DCHS2: variants seen among roughly 807,000 people sequenced by gnomAD.
The protein encoded by DCHS2 is protocadherin-23.
A neutral mutation model predicts 182.4 loss-of-function variants in DCHS2; 142 were observed. The observed-to-expected ratio is 0.78, with a 90% CI of 0.68 to 0.89. DCHS2 has a LOEUF of 0.89. DCHS2 is among the 40% of genes least tolerant of loss of function. The pLI, the probability that DCHS2 is intolerant of heterozygous loss-of-function variation, is 0.00. For missense variants in DCHS2, 4,319 were observed against 4,198.6 expected, an observed-to-expected ratio of 1.03 and a Z score of -0.79; for synonymous variants, 1,740 against 1,663.3, an observed-to-expected ratio of 1.05 and a Z score of -1.12.
chr4:154,304,946 C>A, intron 11 of DCHS2, 68 bp from the exon 12 acceptor site: 1 of 1,525,370 alleles, frequency 6.6e-7, no homozygotes, highest in South Asian at 1.3e-5. Context: ...GTTGTTCTAA[C>A]TAGACAATGT....
In DCHS2 at chr4:154,232,516, T is replaced by C. The variant is rs898939418; in HGVS notation, c.*2020A>G. The stretch of plus-strand genomic sequence containing the variant: ...ATAACTAACTTAGGGAATAGGTAGA[T>C]GAATAACTCTTTTTAAGCATAAGTA... On this transcript the variant is annotated 3_prime_UTR_variant, in exon 20 of 20. Coordinates refer to ENST00000357232, the MANE Select transcript of DCHS2 (RefSeq NM_001358235.2). 1.8e-4 allele frequency: 28 copies of C among 152,162 alleles called. No homozygotes were observed. The highest frequency in any genetic ancestry group is 6.8e-4 in the African/African-American group (28 of 41,458). The allele number at this position is 152,162 out of a possible 1,614,324, so 9.4% of individuals were successfully genotyped here.
At chr4:154,392,788 C>T (rs1371986519) in intron 1 of DCHS2, among the ~76,000 whole-genome samples, 1 of 152,112 alleles carries the variant, frequency 6.6e-6, no homozygotes, top group African/African-American at 2.4e-5. Flanking sequence ...ATTTTAGAGT[C>T]CCCTTTATAA....
chr4:154,298,642 A>G lies in DCHS2; in HGVS notation c.5672T>C (p.Leu1891Ser). 6.2e-7 allele frequency: 1 copy of G among 1,613,944 alleles called. No individual in the cohort carries two copies. Among genetic ancestry groups the G allele is most frequent in the East Asian group, 2.2e-5 (1 of 44,876 alleles). Residue 1891 changes from leucine (L) to serine (S), a missense_variant, in exon 13 of 20, where the codon TTG (leucine) becomes TCG (serine). Coordinates refer to ENST00000357232, the MANE Select transcript of DCHS2 (RefSeq NM_001358235.2). ...MSGELSTTRALDREQISNFTL... is the reference protein window; with the variant it reads ...MSGELSTTRASDREQISNFTL... ...AAAATTGCTGATTTGCTCCCGGTCC[A>G]AAGCACGAGTGGTTGAGAGTTCTCC...
chr4:154,303,445 G>A (rs897268987), intron 12 of DCHS2, among the ~76,000 whole-genome samples: 16 of 137,530 alleles, frequency 1.2e-4, no homozygotes, highest in East Asian at 4.2e-4. Flanking sequence ...ATATGTCTGC[G>A]TACATAAGTT....
chr4:154,326,447 AGTTTT>A (rs1736285488), intron 7 of DCHS2, among the ~76,000 whole-genome samples: 1 of 152,060 alleles, frequency 6.6e-6, no homozygotes. Context: ...ATTTTCATTT[AGTTTT>A]ATTTATCTAT....
chr4:154,281,363 T>G (rs1361213370), intron 13 of DCHS2, among the ~76,000 whole-genome samples: 1 of 152,126 alleles, frequency 6.6e-6, no homozygotes, highest in Non-Finnish European at 1.5e-5. Flanking sequence ...ATGCAAATAT[T>G]AGTTGTGTTT....
At chr4:154,336,849 C>A (rs1370305529) in intron 3 of DCHS2, among the ~76,000 whole-genome samples, 1 of 152,144 alleles carries the variant, frequency 6.6e-6, no homozygotes, top group Non-Finnish European at 1.5e-5. Flanking sequence ...GATTTTAAGT[C>A]ATTTCTCTCA....
intron 2 of DCHS2, among the ~76,000 whole-genome samples, chr4:154,370,485 T>C (rs979833048): frequency 3.9e-5 from 6 of 152,194 alleles, no homozygotes; most frequent in South Asian, 2.1e-4. Flanking sequence ...GAGACTATTA[T>C]TATGCCCTGT....
intron 1 of DCHS2, among the ~76,000 whole-genome samples, chr4:154,435,520 C>T (rs1002154497): frequency 6.6e-6 from 1 of 151,430 alleles, no homozygotes; most frequent in Non-Finnish European, 1.5e-5. Context: ...GGTGTGAACC[C>T]GGGAGGCAGA....
At position 154,315,806 on chromosome 4, in the gene DCHS2, T is replaced by C; in HGVS notation, c.5202A>G (p.Lys1734=). Residue 1734 remains lysine, a synonymous_variant, in exon 10 of 20, where the codon AAA becomes AAG. Coordinates refer to ENST00000357232, the MANE Select transcript of DCHS2 (RefSeq NM_001358235.2). The part of the protein sequence containing the change: ...FKQHLYEASV[K]ENQNPGEFVT... ...CAAACTCCCCTGGATTTTGGTTTTC[T>C]TTCACTGAGGCTTCATACAGGTGCT... The C allele has an allele frequency of 6.2e-7, 1 of 1,614,098 alleles. No individual in the cohort carries two copies. Among genetic ancestry groups the C allele is most frequent in the Non-Finnish European group, 8.5e-7 (1 of 1,179,992 alleles).
chr4:154,322,942 C>T (rs1381350428), intron 7 of DCHS2: 2 of 360,588 alleles, frequency 5.5e-6, no homozygotes, highest in Admixed American at 4.2e-5. Flanking sequence ...CACAGTATCA[C>T]CAAATATTCA....
rs747424104 is a variant in DCHS2, at chr4:154,463,689, CTT to C, written c.2052+25613_2052+25614del. 5.7e-3 allele frequency among the ~76,000 whole-genome samples: 579 copies of C among 101,696 alleles called. 3 individuals are homozygous for C. The highest frequency in any genetic ancestry group is 9.3e-3 in the Non-Finnish European group (438 of 47,090). The allele number at this position is 101,696 out of a possible 152,430, so 66.7% of individuals were successfully genotyped here. A position where few individuals can be genotyped will look rare whatever the true frequency, so the allele number is the denominator to read the frequency against. On this transcript the variant is annotated intron_variant, in intron 1 of 19. Coordinates refer to ENST00000357232, the MANE Select transcript of DCHS2 (RefSeq NM_001358235.2). Reference sequence around the variant, plus strand: ...CTAAAAATCCTGTAAGCTATTCTCTCTTTTCTCTCTCTCTCTCTCTCTCTCTC... The same window carrying C: ...CTAAAAATCCTGTAAGCTATTCTCTCTTCTCTCTCTCTCTCTCTCTCTCTC...
intron 1 of DCHS2, among the ~76,000 whole-genome samples, chr4:154,489,016 A>AT (rs1006461708): frequency 6.6e-6 from 1 of 151,996 alleles, no homozygotes; most frequent in Non-Finnish European, 1.5e-5. Context: ...TCCTGAACCT[A>AT]TTTAGGTGCA....
intron 1 of DCHS2, among the ~76,000 whole-genome samples, chr4:154,450,005 G>A (rs1270285934): frequency 1.3e-5 from 2 of 152,146 alleles, no homozygotes; most frequent in Non-Finnish European, 2.9e-5. Flanking sequence ...GTGGCTTTGA[G>A]TACAGAAAAT....
intron 16 of DCHS2, among the ~76,000 whole-genome samples, chr4:154,251,108 ATAAT>A (rs1312943776): frequency 2.0e-5 from 3 of 152,226 alleles, no homozygotes; most frequent in African/African-American, 7.2e-5. Context: ...TTTGAAAAAG[ATAAT>A]TAACATCTCA....
At position 154,238,078 on chromosome 4, in the gene DCHS2, C is replaced by T. The variant is rs1000984029; in HGVS notation, c.7493-919G>A. Among the ~76,000 whole-genome samples, 10 of 131,476 alleles carry T rather than the reference C, an allele frequency of 7.6e-5. No individual in the cohort carries two copies. In the Admixed American group the frequency reaches 8.5e-4, roughly 11 times the overall value. 86.3% of individuals were successfully genotyped at this position (131,476 alleles called of 152,430 possible). On this transcript the variant is annotated intron_variant, in intron 19 of 19. Coordinates refer to ENST00000357232, the MANE Select transcript of DCHS2 (RefSeq NM_001358235.2). Reference sequence around the variant, plus strand: ...GTGCTCAGAAGAACTGCCTTGCACACTGTGATTTGCTGTGGCCGGGGTGGC... The same window carrying T: ...GTGCTCAGAAGAACTGCCTTGCACATTGTGATTTGCTGTGGCCGGGGTGGC...
intron 2 of DCHS2, among the ~76,000 whole-genome samples, chr4:154,368,721 A>T (rs559582219): frequency 2.0e-5 from 3 of 151,932 alleles, no homozygotes; most frequent in African/African-American, 7.2e-5. Flanking sequence ...CTGGTCTCGA[A>T]CTCCTGACCT....
At chr4:154,398,299 A>G (rs112070101) in intron 1 of DCHS2, among the ~76,000 whole-genome samples, 1 of 152,242 alleles carries the variant, frequency 6.6e-6, no homozygotes, top group African/African-American at 2.4e-5. Flanking sequence ...ACCATGTACA[A>G]ACTTTATCAA....
chr4:154,407,927 A>G (rs1434477169), intron 1 of DCHS2, among the ~76,000 whole-genome samples: 1 of 152,010 alleles, frequency 6.6e-6, no homozygotes, highest in Non-Finnish European at 1.5e-5. Context: ...ATCTCCTTAC[A>G]AATGCAAAAG....
Sources: allele counts gnomAD v4.1 joint callset (sites outside exome capture counted in the v4.1 genomes callset), GRCh38; gene constraint gnomAD v4.1.1; transcripts MANE v1.5; gene names NCBI Gene and HGNC (gene_info 2026-07-23, HGNC 2026-07-21).